SEMA3A: variants seen among roughly 807,000 people sequenced by gnomAD.
The protein encoded by SEMA3A is semaphorin 3A.
In SEMA3A, 29 loss-of-function variants were observed where a neutral mutation model predicts 97.9. The ratio of observed to expected loss-of-function variants is 0.30; its 90% confidence interval spans 0.22 to 0.40. The LOEUF is 0.40. SEMA3A is among the 10% of genes least tolerant of loss of function. The pLI, the probability that SEMA3A is intolerant of heterozygous loss-of-function variation, is 1.00. For synonymous variants in SEMA3A, 321 were observed against 323.7 expected (o/e 0.99, Z 0.09); for missense variants, 763 against 951.3 (o/e 0.80, Z 2.60).
intron 1 of SEMA3A, among the ~76,000 whole-genome samples, chr7:84,178,900 C>T (rs1797652678): frequency 6.6e-6 from 1 of 152,226 alleles, no homozygotes; most frequent in African/African-American, 2.4e-5. Context: ...TTCTCTCTTG[C>T]TTTTCATTCA....
At chr7:84,407,232 TCA>T (rs1804120125) in intron 1 of SEMA3A, among the ~76,000 whole-genome samples, 1 of 152,100 alleles carries the variant, frequency 6.6e-6, no homozygotes, top group Non-Finnish European at 1.5e-5. Context: ...TGTGCAAAAA[TCA>T]CAAGCATTTT....
intron 1 of SEMA3A, among the ~76,000 whole-genome samples, chr7:84,402,776 A>C (rs1803942569): frequency 6.6e-6 from 1 of 152,326 alleles, no homozygotes; most frequent in Non-Finnish European, 1.5e-5. Flanking sequence ...ACATACAACA[A>C]AGTAGAGGGC....
chr7:84,477,244 C>T lies in SEMA3A; in HGVS notation c.-246+15216G>A, dbSNP rs545661420. 1.1e-4 allele frequency among the ~76,000 whole-genome samples: 16 copies of T among 150,558 alleles called. No individual in the cohort carries two copies. The South Asian group carries it at 3.3e-3, about 31-fold the overall frequency. On this transcript the variant is annotated intron_variant, in intron 1 of 3. Coordinates refer to the SEMA3A transcript ENST00000424555. ...ACAAGGTCAGGAGTTCAAGACCAGC[C>T]TGTCCAATATGGTGAAACTCCGTCT...
At chr7:84,133,886 T>TAAAA (rs60263065) in intron 2 of SEMA3A, among the ~76,000 whole-genome samples, 1 of 78,842 alleles carries the variant, frequency 1.3e-5, no homozygotes, top group Non-Finnish European at 2.5e-5. Context: ...TCGTCTCTAC[T>TAAAA]AAAAAAAAAA....
chr7:84,448,161 C>G (rs185960038), intron 1 of SEMA3A, among the ~76,000 whole-genome samples: 2 of 152,130 alleles, frequency 1.3e-5, no homozygotes, highest in Non-Finnish European at 2.9e-5. Flanking sequence ...CCTGCCAGGT[C>G]GAGTTGGAGG....
chr7:84,101,167 C>A (rs1794949287), intron 4 of SEMA3A, among the ~76,000 whole-genome samples: 1 of 152,110 alleles, frequency 6.6e-6, no homozygotes, highest in Non-Finnish European at 1.5e-5. Context: ...TATGATATAT[C>A]TTCTGGCTTG....
chr7:83,960,245 C>A lies in SEMA3A; in HGVS notation c.*1126G>T, dbSNP rs1209060367. ...CAGGGATTCAAGCACGGAATTAAGACACATTTTCTATTAACAGTATATTAA... is the reference window on the plus strand; with the variant it reads ...CAGGGATTCAAGCACGGAATTAAGAAACATTTTCTATTAACAGTATATTAA... On this transcript the variant is annotated 3_prime_UTR_variant, in exon 17 of 17. Coordinates refer to ENST00000265362, the MANE Select transcript of SEMA3A (RefSeq NM_006080.3). 1 of 152,062 alleles carries A rather than the reference C, an allele frequency of 6.6e-6. No homozygotes were observed. The allele number at this position is 152,062 out of a possible 1,614,324, so 9.4% of individuals were successfully genotyped here.
At chr7:84,249,368 C>CATCT (rs60537339) in intron 3 of SEMA3A, among the ~76,000 whole-genome samples, 37,171 of 142,848 alleles carry the variant, frequency 0.26, 4,841 homozygotes, top group Admixed American at 0.31. Context: ...CTCTGTCTAT[C>CATCT]ATCTATCTAT....
At position 84,388,832 on chromosome 7, in the gene SEMA3A, C is replaced by G. The variant is rs370550110; in HGVS notation, c.-245-16932G>C. Among the ~76,000 whole-genome samples, 14 of 152,090 alleles carry G rather than the reference C, an allele frequency of 9.2e-5. No homozygotes were observed. The East Asian group carries it at 2.7e-3, about 29-fold the overall frequency. ...ATGTTGTATGATTCTAGGAAAAATT[C>G]CTGATTTCCTTAGCTGTTCTCAAGA... On this transcript the variant is annotated intron_variant, in intron 1 of 3. Coordinates refer to the SEMA3A transcript ENST00000424555.
intron 15 of SEMA3A, among the ~76,000 whole-genome samples, chr7:83,971,308 T>C (rs1428711927): frequency 6.6e-6 from 1 of 151,994 alleles, no homozygotes; most frequent in Admixed American, 6.6e-5. Context: ...AGTGCATGCC[T>C]GTAATCCCAG....
intron 1 of SEMA3A, among the ~76,000 whole-genome samples, chr7:84,486,342 C>G (rs561708899): frequency 2.3e-4 from 35 of 152,272 alleles, no homozygotes; most frequent in Non-Finnish European, 3.2e-4. Flanking sequence ...GAGCCAAGAT[C>G]GTGCCATTGC....
intron 6 of SEMA3A, among the ~76,000 whole-genome samples, chr7:84,041,892 A>C (rs1792147098): frequency 1.3e-5 from 2 of 152,110 alleles, no homozygotes. Flanking sequence ...GACTTTATGC[A>C]AAACTAGATG....
At chr7:83,967,687 G>A (rs1199001962) in intron 15 of SEMA3A, among the ~76,000 whole-genome samples, 2 of 152,128 alleles carry the variant, frequency 1.3e-5, no homozygotes, top group Admixed American at 1.3e-4. Flanking sequence ...TCTGGGAAGC[G>A]GAGGTTGCAG....
At chr7:84,254,748 T>C (rs1285012668) in intron 3 of SEMA3A, among the ~76,000 whole-genome samples, 1 of 152,176 alleles carries the variant, frequency 6.6e-6, no homozygotes, top group Non-Finnish European at 1.5e-5. Context: ...GAATTACCTA[T>C]AACCCTTGCT....
intron 4 of SEMA3A, among the ~76,000 whole-genome samples, chr7:84,083,937 A>G (rs987906200): frequency 1.3e-5 from 2 of 152,012 alleles, no homozygotes; most frequent in African/African-American, 4.8e-5. Flanking sequence ...AACGATATAA[A>G]AGGCATGATT....
chr7:84,204,222 C>T (rs1798431607), intron 3 of SEMA3A, among the ~76,000 whole-genome samples: 1 of 151,940 alleles, frequency 6.6e-6, no homozygotes, highest in South Asian at 2.1e-4. Context: ...AAATAAAGCA[C>T]CACAATTGTG....
intron 15 of SEMA3A, among the ~76,000 whole-genome samples, chr7:83,967,009 C>G (rs1788722850): frequency 6.6e-6 from 1 of 152,166 alleles, no homozygotes; most frequent in South Asian, 2.1e-4. Context: ...CCGCGCCCGG[C>G]CAAAAGTAAA....
chr7:84,199,405 G>A (rs1018509198), upstream of SEMA3A, among the ~76,000 whole-genome samples: 1 of 150,034 alleles, frequency 6.7e-6, no homozygotes, highest in Non-Finnish European at 1.5e-5. Context: ...AAATTACTAA[G>A]TTGGGAATTT....
intron 3 of SEMA3A, among the ~76,000 whole-genome samples, chr7:84,212,242 A>G (rs1171011091): frequency 2.0e-5 from 3 of 152,234 alleles, no homozygotes; most frequent in African/African-American, 7.2e-5. Flanking sequence ...ATATAAAAAG[A>G]TTTAAGAATT....
Sources: allele counts gnomAD v4.1 joint callset (sites outside exome capture counted in the v4.1 genomes callset), GRCh38; gene constraint gnomAD v4.1.1; transcripts MANE v1.5; gene names NCBI Gene and HGNC (gene_info 2026-07-23, HGNC 2026-07-21).